Variants in NCALD observed in about 807,000 individuals in gnomAD.
The protein encoded by NCALD is neurocalcin-delta.
NCALD carries 10 observed loss-of-function variants against 18.6 expected under a neutral mutation model. The observed-to-expected ratio is 0.54, with a 90% CI of 0.33 to 0.91. The LOEUF (loss-of-function observed/expected upper bound fraction) is 0.91. NCALD is among the 40% of genes least tolerant of loss of function. The pLI is 0.03. For synonymous variants in NCALD, 88 were observed against 87.4 expected (o/e 1.01, Z -0.04); for missense variants, 184 against 247.6 (o/e 0.74, Z 1.72).
chr8:101,966,738 T>C (rs111635672), intron 2 of NCALD, among the ~76,000 whole-genome samples: 25 of 152,216 alleles, frequency 1.6e-4, no homozygotes, highest in African/African-American at 4.6e-4. Flanking sequence ...TCTAAAACTT[T>C]CATATTCAGG....
chr8:101,887,317 G>A (rs1563859298), intron 3 of NCALD: 2 of 152,098 alleles, frequency 1.3e-5, no homozygotes, highest in South Asian at 2.1e-4. Context: ...TATTTCTTTT[G>A]TAGTTGCCTT....
intron 1 of NCALD, among the ~76,000 whole-genome samples, chr8:101,785,320 C>T (rs865916816): frequency 6.6e-6 from 1 of 152,156 alleles, no homozygotes; most frequent in African/African-American, 2.4e-5. Context: ...TTAATAACAG[C>T]AGTTCACATT....
chr8:101,730,381 G>A (rs1816765444), intron 1 of NCALD, among the ~76,000 whole-genome samples: 1 of 149,404 alleles, frequency 6.7e-6, no homozygotes, highest in Non-Finnish European at 1.5e-5. Flanking sequence ...TCGGGAGGCT[G>A]AGGCAGGAGA....
At chr8:101,783,379 C>T (rs1010647052) in intron 1 of NCALD, among the ~76,000 whole-genome samples, 4 of 152,162 alleles carry the variant, frequency 2.6e-5, no homozygotes, top group Non-Finnish European at 5.9e-5. Flanking sequence ...CATGGAGCCA[C>T]AGACCAATGG....
At chr8:101,844,073 T>C (rs1003292329) in intron 4 of NCALD, among the ~76,000 whole-genome samples, 6 of 152,232 alleles carry the variant, frequency 3.9e-5, no homozygotes, top group African/African-American at 1.4e-4. Context: ...TCCATCCTTC[T>C]CTGACAGCAC....
In NCALD at chr8:101,802,871, G is replaced by C. The variant is rs962728836; in HGVS notation, c.-19-83223C>G. On this transcript the variant is annotated intron_variant, in intron 4 of 6. Transcript: ENST00000311028. Reference sequence around the variant, plus strand: ...CACGCTGTGGAAGCTTTGTTCTTTCGTTCTTTGCAATAAATCTTGCTGCTG... The same window carrying C: ...CACGCTGTGGAAGCTTTGTTCTTTCCTTCTTTGCAATAAATCTTGCTGCTG... Among the ~76,000 whole-genome samples, 6 of 96,548 alleles carry C rather than the reference G, an allele frequency of 6.2e-5. No homozygotes were observed. The South Asian group carries it at 1.3e-3, about 21-fold the overall frequency. The allele number at this position is 96,548 out of a possible 152,430, so 63.3% of individuals were successfully genotyped here.
intron 1 of NCALD, among the ~76,000 whole-genome samples, chr8:101,760,593 C>T (rs1467660706): frequency 2.0e-5 from 3 of 152,176 alleles, no homozygotes; most frequent in Non-Finnish European, 4.4e-5. Context: ...AGCGTGCATT[C>T]GTGAAATTCC....
intron 3 of NCALD, among the ~76,000 whole-genome samples, chr8:101,893,861 A>G (rs1347876714): frequency 6.9e-6 from 1 of 145,750 alleles, no homozygotes; most frequent in African/African-American, 2.8e-5. Context: ...CAGATTCATA[A>G]AGCAAGTCCT....
intron 2 of NCALD, among the ~76,000 whole-genome samples, chr8:101,945,335 G>A (rs1019680669): frequency 6.6e-6 from 1 of 152,022 alleles, no homozygotes; most frequent in African/African-American, 2.4e-5. Flanking sequence ...GGGTGGAGAT[G>A]AAGGTGGGGG....
chr8:101,950,717 C>T (rs1819381652), intron 2 of NCALD, among the ~76,000 whole-genome samples: 1 of 152,194 alleles, frequency 6.6e-6, no homozygotes, highest in Admixed American at 6.5e-5. Context: ...TGACACTGCA[C>T]TAGAAGAGAA....
At chr8:101,709,268 C>G (rs970919664) in intron 2 of NCALD, among the ~76,000 whole-genome samples, 1 of 152,160 alleles carries the variant, frequency 6.6e-6, no homozygotes, top group Non-Finnish European at 1.5e-5. Flanking sequence ...GAGGATATTT[C>G]CTGTTACAGC....
At chr8:102,095,591 G>A (rs150617009) in intron 1 of NCALD, among the ~76,000 whole-genome samples, 70 of 152,258 alleles carry the variant, frequency 4.6e-4, no homozygotes, top group African/African-American at 1.6e-3. Flanking sequence ...TAACTGACAC[G>A]AATGCTTAGA....
At chr8:101,936,129 G>C (rs1196145879) in intron 2 of NCALD, among the ~76,000 whole-genome samples, 2 of 152,146 alleles carry the variant, frequency 1.3e-5, no homozygotes, top group African/African-American at 4.8e-5. Flanking sequence ...GGGTTGGTTT[G>C]AGGTTTGGTA....
chr8:101,741,959 G>GGA (rs1554619326), intron 1 of NCALD, among the ~76,000 whole-genome samples: 1 of 121,712 alleles, frequency 8.2e-6, no homozygotes, highest in African/African-American at 3.1e-5. Flanking sequence ...AAAAAGAAAA[G>GGA]AAAAAAAAAA....
At chr8:101,988,154 C>CAAAAAAAAAAAAAA (rs141735735) in intron 2 of NCALD, among the ~76,000 whole-genome samples, 10 of 37,136 alleles carry the variant, frequency 2.7e-4, no homozygotes, top group Non-Finnish European at 3.4e-4. Context: ...GACTCCGTCT[C>CAAAAAAAAAAAAAA]AAAAAAAAAA....
intron 2 of NCALD, among the ~76,000 whole-genome samples, chr8:101,713,309 C>A (rs921275839): frequency 6.6e-6 from 1 of 151,872 alleles, no homozygotes; most frequent in Non-Finnish European, 1.5e-5. Flanking sequence ...CACTAAATGC[C>A]CACAGTAGAA....
At chr8:101,739,909 T>G (rs910871686) in intron 1 of NCALD, among the ~76,000 whole-genome samples, 2 of 152,112 alleles carry the variant, frequency 1.3e-5, no homozygotes, top group African/African-American at 4.8e-5. Context: ...TCGTTCTGTC[T>G]CTCTAGAGAC....
chr8:101,713,900 A>C (rs118131352), intron 2 of NCALD, among the ~76,000 whole-genome samples: 4,630 of 152,328 alleles, frequency 0.03, 101 homozygotes, highest in Non-Finnish European at 0.045. Context: ...CAAACAATAG[A>C]AAAAGAGAGA....
At chr8:101,961,418 T>C (rs760191086) in intron 2 of NCALD, among the ~76,000 whole-genome samples, 1 of 152,186 alleles carries the variant, frequency 6.6e-6, no homozygotes, top group African/African-American at 2.4e-5. Context: ...TTCTCAGGTA[T>C]CTTCCAGGAT....
Sources: allele counts gnomAD v4.1 joint callset (sites outside exome capture counted in the v4.1 genomes callset), GRCh38; gene constraint gnomAD v4.1.1; transcripts MANE v1.5; gene names NCBI Gene and HGNC (gene_info 2026-07-23, HGNC 2026-07-21).